GOLM2: variants seen among roughly 807,000 people sequenced by gnomAD.
GOLM2 encodes the protein protein GOLM2.
Under a neutral mutation model 55.9 loss-of-function variants are expected in GOLM2, and 26 were observed. The observed-to-expected ratio is 0.47, with a 90% CI of 0.34 to 0.65. The LOEUF (loss-of-function observed/expected upper bound fraction) is 0.65. Ranked by LOEUF, GOLM2 falls within the 30% of genes least tolerant of loss-of-function variation. The pLI, the probability that GOLM2 is intolerant of heterozygous loss-of-function variation, is 0.01. For synonymous variants in GOLM2, 165 were observed against 194.6 expected, an observed-to-expected ratio of 0.85 and a Z score of 1.27; for missense variants, 486 against 531.8, an observed-to-expected ratio of 0.91 and a Z score of 0.85.
Position 44,384,957 on chromosome 15 carries a change from CTTT to C in GOLM2, c.1072+3983_1072+3985del, listed in dbSNP as rs2079432106. ...GTATGTGACCTTTTGTGTCTGGCTT[CTTT>C]TATTTAGCATAATTTTTCTGAAGTT... On this transcript the variant is annotated intron_variant, in intron 8 of 9. Coordinates refer to ENST00000299957, the MANE Select transcript of GOLM2 (RefSeq NM_138423.4). Among the ~76,000 whole-genome samples, 4 of 150,392 alleles carry C rather than the reference CTTT, an allele frequency of 2.7e-5. No individual in the cohort carries two copies. In the South Asian group the frequency reaches 8.3e-4, roughly 31 times the overall value.
chr15:44,324,389 A>T (rs1025369449), intron 2 of GOLM2, among the ~76,000 whole-genome samples: 1 of 152,282 alleles, frequency 6.6e-6, no homozygotes, highest in East Asian at 1.9e-4. Flanking sequence ...CTTGATTTGT[A>T]TGTATAGCTA....
In GOLM2 at chr15:44,413,434, A is replaced by G; in HGVS notation, c.*28A>G. ...CCTAAAGGAATGCTTCAGAAAACCT[A>G]AAGTGCTGTAAAATGAAATCATTCT... On this transcript the variant is annotated 3_prime_UTR_variant, in exon 10 of 10. Coordinates refer to ENST00000299957, the MANE Select transcript of GOLM2 (RefSeq NM_138423.4). 1 of 1,480,706 alleles carries G rather than the reference A, an allele frequency of 6.8e-7. No homozygotes were observed. The highest frequency in any genetic ancestry group is 9.3e-7 in the Non-Finnish European group (1 of 1,069,568). 91.7% of individuals were successfully genotyped at this position (1,480,706 alleles called of 1,614,324 possible). A position where few individuals can be genotyped will look rare whatever the true frequency, so the allele number is the denominator to read the frequency against.
At chr15:44,348,516 G>T (rs2079140184) in intron 6 of GOLM2, 1 of 152,150 alleles carries the variant, frequency 6.6e-6, no homozygotes. Context: ...AGAATACCAG[G>T]TAGATTTCTG....
chr15:44,385,472 A>G (rs1232944294), intron 8 of GOLM2, among the ~76,000 whole-genome samples: 1 of 151,302 alleles, frequency 6.6e-6, no homozygotes, highest in Non-Finnish European at 1.5e-5. Context: ...AATGACATTG[A>G]GCACCTTTTC....
At chr15:44,352,915 A>AAAAAG (rs558111549) in intron 6 of GOLM2, among the ~76,000 whole-genome samples, 21 of 151,844 alleles carry the variant, frequency 1.4e-4, no homozygotes, top group Non-Finnish European at 2.4e-4. Context: ...TCAAAAAAAA[A>AAAAAG]AAAAGAAAAG....
At chr15:44,309,460 T>C (rs2078859500) in intron 1 of GOLM2, among the ~76,000 whole-genome samples, 2 of 152,170 alleles carry the variant, frequency 1.3e-5, no homozygotes, top group African/African-American at 4.8e-5. Flanking sequence ...CAAATATCCC[T>C]TAATAAAAAA....
chr15:44,354,807 G>A (rs910424421), intron 6 of GOLM2: 3 of 181,742 alleles, frequency 1.7e-5, no homozygotes, highest in Non-Finnish European at 3.6e-5. Flanking sequence ...CCCCTTCACT[G>A]ACTCCAGCTA....
chr15:44,337,735 A>T lies in GOLM2; in HGVS notation c.577-28A>T, dbSNP rs2079066472. The T allele has an allele frequency of 3.9e-6, 6 of 1,534,796 alleles. No homozygotes were observed. The East Asian group carries it at 1.4e-4, about 37-fold the overall frequency. On this transcript the variant is annotated intron_variant, in intron 4 of 9. Coordinates refer to ENST00000299957, the MANE Select transcript of GOLM2 (RefSeq NM_138423.4). ...GGTGGTTTAACAATTTGAACTGAAA[A>T]ATATTATTACCAAATTTTGTCTAAC...
At chr15:44,350,022 G>C (rs1567032410) in intron 6 of GOLM2, among the ~76,000 whole-genome samples, 1 of 152,104 alleles carries the variant, frequency 6.6e-6, no homozygotes, top group Non-Finnish European at 1.5e-5. Context: ...ATAGCTATAA[G>C]CTCCTACATC....
chr15:44,387,639 G>A (rs1366863346), intron 8 of GOLM2, among the ~76,000 whole-genome samples: 1 of 152,036 alleles, frequency 6.6e-6, no homozygotes, highest in Non-Finnish European at 1.5e-5. Context: ...GCAAATGCCT[G>A]TAATCCCAGC....
chr15:44,408,589 C>A (rs2079612987), intron 9 of GOLM2, among the ~76,000 whole-genome samples: 1 of 152,194 alleles, frequency 6.6e-6, no homozygotes, highest in African/African-American at 2.4e-5. Context: ...GGAACTAGAT[C>A]ATGTTTGTTA....
At chr15:44,348,714 G>A (rs1347869044) in intron 6 of GOLM2, 1 of 152,220 alleles carries the variant, frequency 6.6e-6, no homozygotes, top group Non-Finnish European at 1.5e-5. Context: ...AAGACCCAGT[G>A]CTGTATTGGC....
In GOLM2 at chr15:44,363,814, C is replaced by G. The variant is rs553392752; in HGVS notation, c.803-15876C>G. ...AACCCAAATGTCCAACAATGATAGACTGGATTAAGAAAATGTGGCACATAT... is the reference window on the plus strand; with the variant it reads ...AACCCAAATGTCCAACAATGATAGAGTGGATTAAGAAAATGTGGCACATAT... On this transcript the variant is annotated intron_variant, in intron 6 of 9. Transcript: ENST00000299957. 7.0e-3 allele frequency among the ~76,000 whole-genome samples: 1,067 copies of G among 151,730 alleles called. 6 individuals carry two copies. The highest frequency in any genetic ancestry group is 0.01 in the Non-Finnish European group (696 of 67,898).
intron 6 of GOLM2, chr15:44,346,229 A>G (rs919965384): frequency 1.3e-5 from 2 of 152,014 alleles, no homozygotes. Flanking sequence ...AATATTAGGT[A>G]GAGGTAATCT....
intron 9 of GOLM2, among the ~76,000 whole-genome samples, chr15:44,410,386 G>A (rs564987790): frequency 3.7e-4 from 57 of 152,330 alleles, no homozygotes; most frequent in African/African-American, 1.3e-3. Context: ...AGCTGAGATC[G>A]CGCCACTGCG....
chr15:44,413,480 T>C lies in GOLM2; in HGVS notation c.*74T>C, dbSNP rs1271835093. Reference sequence around the variant, plus strand: ...ATTCTACTTTGTCCTTTCTGACTTTTGTTGTAAAGACGAATTGTATCAGTT... The same window carrying C: ...ATTCTACTTTGTCCTTTCTGACTTTCGTTGTAAAGACGAATTGTATCAGTT... On this transcript the variant is annotated 3_prime_UTR_variant, in exon 10 of 10. Transcript: ENST00000299957. 1 of 1,128,794 alleles carries C rather than the reference T, an allele frequency of 8.9e-7. No homozygotes were observed. Among genetic ancestry groups the C allele is most frequent in the Non-Finnish European group, 1.3e-6 (1 of 760,556 alleles). The allele number at this position is 1,128,794 out of a possible 1,614,324, so 69.9% of individuals were successfully genotyped here.
chr15:44,297,915 T>C (rs1346595125), intron 1 of GOLM2, among the ~76,000 whole-genome samples: 1 of 142,128 alleles, frequency 7.0e-6, no homozygotes, highest in East Asian at 2.1e-4. Context: ...TTGCCCAGGC[T>C]GCAGTACAGT....
chr15:44,311,448 G>A (rs1355194314), intron 1 of GOLM2, among the ~76,000 whole-genome samples: 1 of 151,898 alleles, frequency 6.6e-6, no homozygotes, highest in Non-Finnish European at 1.5e-5. Context: ...AGGACATGAT[G>A]TCTGAAAAAG....
rs1281746945 is a variant in GOLM2, at chr15:44,414,529, A to C, written c.*1123A>C. On this transcript the variant is annotated 3_prime_UTR_variant, in exon 10 of 10. Transcript: ENST00000299957. ...ATATTTTCAGAGTTGAAGTTGGTGA[A>C]GACATTCATGATTTAAACACCAGAT... 1 of 152,218 alleles carries C rather than the reference A, an allele frequency of 6.6e-6. No individual in the cohort carries two copies. Among genetic ancestry groups the C allele is most frequent in the African/African-American group, 2.4e-5 (1 of 41,454 alleles). 9.4% of individuals were successfully genotyped at this position (152,218 alleles called of 1,614,324 possible). A position where few individuals can be genotyped will look rare whatever the true frequency, so the allele number is the denominator to read the frequency against.
Sources: allele counts gnomAD v4.1 joint callset (sites outside exome capture counted in the v4.1 genomes callset), GRCh38; gene constraint gnomAD v4.1.1; transcripts MANE v1.5; gene names NCBI Gene and HGNC (gene_info 2026-07-23, HGNC 2026-07-21).